Variants in KHDRBS3 observed in about 807,000 individuals in gnomAD.
KHDRBS3 encodes the protein KH RNA binding domain containing, signal transduction associated 3.
Under a neutral mutation model 45.6 loss-of-function variants are expected in KHDRBS3, and 23 were observed. That is an observed-to-expected ratio of 0.50 (90% CI 0.36 to 0.72). The LOEUF is 0.72. Among genes scored for constraint, KHDRBS3 ranks in the 30% least tolerant of loss-of-function variants. The pLI is 0.00. For synonymous variants in KHDRBS3, 162 were observed against 156.5 expected (o/e 1.04, Z -0.26); for missense variants, 352 against 424.8 (o/e 0.83, Z 1.51).
At chr8:135,517,368 C>T (rs1199491539) in intron 1 of KHDRBS3, among the ~76,000 whole-genome samples, 1 of 152,076 alleles carries the variant, frequency 6.6e-6, no homozygotes, top group Non-Finnish European at 1.5e-5. Flanking sequence ...ACTAGAGGGT[C>T]ACATCCATCT....
At chr8:135,610,603 AT>A (rs1184844392) in intron 7 of KHDRBS3, among the ~76,000 whole-genome samples, 4 of 151,904 alleles carry the variant, frequency 2.6e-5, no homozygotes, top group Non-Finnish European at 5.9e-5. Context: ...TAATATTCTA[AT>A]TATCGTGAGC....
intron 2 of KHDRBS3, 90 bp downstream of exon 2, chr8:135,521,445 G>A (rs906558098): frequency 1.4e-6 from 1 of 740,300 alleles, no homozygotes; most frequent in Admixed American, 2.5e-5. Context: ...TGTTTTTAGA[G>A]ATGTTTTCTC....
chr8:135,638,166 A>G (rs1320915939), intron 7 of KHDRBS3, among the ~76,000 whole-genome samples: 2 of 152,242 alleles, frequency 1.3e-5, no homozygotes, highest in Non-Finnish European at 2.9e-5. Flanking sequence ...GGGTGTTCTC[A>G]TAACTGATTG....
intron 4 of KHDRBS3, among the ~76,000 whole-genome samples, chr8:135,653,479 C>T (rs1468894866): frequency 6.6e-6 from 1 of 152,186 alleles, no homozygotes; most frequent in Non-Finnish European, 1.5e-5. Flanking sequence ...AGTACATGTT[C>T]AGTAGAAACT....
chr8:135,614,970 A>T (rs1829858272), intron 7 of KHDRBS3, among the ~76,000 whole-genome samples: 1 of 151,696 alleles, frequency 6.6e-6, no homozygotes, highest in Admixed American at 6.6e-5. Context: ...AAAATTACTG[A>T]GAGGAAACAT....
chr8:135,562,074 G>A (rs1266940081), intron 5 of KHDRBS3, among the ~76,000 whole-genome samples: 2 of 152,086 alleles, frequency 1.3e-5, no homozygotes, highest in African/African-American at 4.8e-5. Flanking sequence ...AATAAATTTA[G>A]TGTAGTCCAA....
At chr8:135,564,605 G>T (rs1644210310) in intron 5 of KHDRBS3, among the ~76,000 whole-genome samples, 1 of 152,120 alleles carries the variant, frequency 6.6e-6, no homozygotes, top group Admixed American at 6.5e-5. Context: ...TTATGATATT[G>T]TCCTACAGGC....
At chr8:135,510,637 G>C (rs967425620) in intron 1 of KHDRBS3, among the ~76,000 whole-genome samples, 4 of 152,194 alleles carry the variant, frequency 2.6e-5, no homozygotes, top group African/African-American at 9.6e-5. Flanking sequence ...GTTTCACCGT[G>C]TTGGCCAAGA....
intron 7 of KHDRBS3, among the ~76,000 whole-genome samples, chr8:135,613,772 A>G (rs1829800917): frequency 6.6e-6 from 1 of 151,666 alleles, no homozygotes; most frequent in African/African-American, 2.4e-5. Flanking sequence ...CAACAGCCAT[A>G]TCCTACCTGA....
intron 5 of KHDRBS3, among the ~76,000 whole-genome samples, chr8:135,580,177 C>T (rs941047154): frequency 1.3e-5 from 2 of 152,218 alleles, no homozygotes; most frequent in South Asian, 4.1e-4. Context: ...CACCTCTGGC[C>T]TCCCTGGCTG....
intron 7 of KHDRBS3, among the ~76,000 whole-genome samples, chr8:135,620,397 C>T (rs543198599): frequency 1.4e-4 from 21 of 152,218 alleles, no homozygotes; most frequent in African/African-American, 5.1e-4. Flanking sequence ...CTACCACACC[C>T]GGTAGCAAGG....
At chr8:135,504,196 T>A (rs1823876011) in intron 1 of KHDRBS3, among the ~76,000 whole-genome samples, 1 of 152,234 alleles carries the variant, frequency 6.6e-6, no homozygotes, top group Non-Finnish European at 1.5e-5. Flanking sequence ...CCTCTTTCCA[T>A]ATCATTATTA....
intron 1 of KHDRBS3, among the ~76,000 whole-genome samples, chr8:135,470,732 C>T (rs1821975759): frequency 6.6e-6 from 1 of 151,978 alleles, no homozygotes; most frequent in African/African-American, 2.4e-5. Context: ...ATTACAGGTG[C>T]CCGCCAGCAC....
intron 7 of KHDRBS3, among the ~76,000 whole-genome samples, chr8:135,632,702 A>C (rs1830655227): frequency 6.6e-6 from 1 of 151,662 alleles, no homozygotes; most frequent in Admixed American, 6.6e-5. Context: ...ATTTCACTCA[A>C]CCGGGATTTT....
chr8:135,560,540 A>G (rs1280253285), intron 5 of KHDRBS3, among the ~76,000 whole-genome samples: 1 of 152,100 alleles, frequency 6.6e-6, no homozygotes, highest in Non-Finnish European at 1.5e-5. Context: ...TGCCATTTTT[A>G]CTGAATATAA....
chr8:135,630,598 C>G (rs1427664516), intron 7 of KHDRBS3, among the ~76,000 whole-genome samples: 3 of 151,608 alleles, frequency 2.0e-5, no homozygotes, highest in Non-Finnish European at 4.4e-5. Flanking sequence ...GTGACTTACT[C>G]AAACCTAGAT....
At chr8:135,577,389 C>T (rs1254896744) in intron 5 of KHDRBS3, among the ~76,000 whole-genome samples, 1 of 152,046 alleles carries the variant, frequency 6.6e-6, no homozygotes, top group African/African-American at 2.4e-5. Flanking sequence ...AGTTTTATCA[C>T]CCTAAGCTAT....
At chr8:135,610,460 T>C (rs929250564) in intron 7 of KHDRBS3, among the ~76,000 whole-genome samples, 1 of 151,874 alleles carries the variant, frequency 6.6e-6, no homozygotes, top group Admixed American at 6.6e-5. Context: ...ATTCAATCAG[T>C]GTTTATTGAA....
At chr8:135,649,600 G>T (rs1831387316), downstream of KHDRBS3, among the ~76,000 whole-genome samples, 1 of 152,060 alleles carries the variant, frequency 6.6e-6, no homozygotes, top group East Asian at 1.9e-4. Flanking sequence ...TGTCTGTTTG[G>T]ATTTTTGTTG....
Sources: gnomAD v4.1 joint callset for allele counts (sites outside exome capture counted in the v4.1 genomes callset) on GRCh38, gnomAD v4.1.1 for gene constraint, MANE v1.5 for transcripts, NCBI Gene and HGNC (gene_info 2026-07-23, HGNC 2026-07-21) for gene names.